The following WAPL variants were observed in gnomAD, a reference collection of about 807,000 sequenced individuals.
WAPL encodes WAPL cohesin release factor.
A neutral mutation model predicts 121.0 loss-of-function variants in WAPL; 5 were observed. The ratio of observed to expected loss-of-function variants is 0.04; its 90% CI spans 0.02 to 0.09. WAPL has a LOEUF of 0.09. Ranked by LOEUF, WAPL falls within the 10% of genes least tolerant of loss-of-function variation. The probability of loss-of-function intolerance (pLI) is 1.00; values close to 1 mark genes in which losing one functional copy is unlikely to be tolerated. For missense variants in WAPL, 999 were observed against 1,410.8 expected (o/e 0.71, Z 4.68); for synonymous variants, 480 against 481.5 (o/e 1.00, Z 0.04).
intron 17 of WAPL, 122 bp from the exon 18 acceptor site, chr10:86,438,137 GTTA>G (rs1389333959): frequency 6.5e-6 from 4 of 619,300 alleles, no homozygotes; most frequent in Non-Finnish European, 1.1e-5. Flanking sequence ...GGAACACGTG[GTTA>G]TTTATTCTCT....
intron 14 of WAPL, among the ~76,000 whole-genome samples, chr10:86,452,929 C>T (rs1336274059): frequency 1.4e-5 from 2 of 146,820 alleles, no homozygotes; most frequent in African/African-American, 2.5e-5. Context: ...AGTCCCAGCA[C>T]CTGGAAGGCT....
At chr10:86,449,886 G>A (rs1840935555) in intron 15 of WAPL, among the ~76,000 whole-genome samples, 3 of 152,198 alleles carry the variant, frequency 2.0e-5, no homozygotes, top group Admixed American at 2.0e-4. Flanking sequence ...CAGCAAAAGG[G>A]AATTCTTTTA....
intron 1 of WAPL, among the ~76,000 whole-genome samples, chr10:86,519,863 T>C (rs1370194806): frequency 6.6e-6 from 1 of 152,228 alleles, no homozygotes; most frequent in Non-Finnish European, 1.5e-5. Flanking sequence ...ACCAAAAATC[T>C]AGACTTGAGT....
intron 8 of WAPL, among the ~76,000 whole-genome samples, chr10:86,469,185 G>A (rs1841472830): frequency 1.0e-5 from 1 of 95,702 alleles, no homozygotes; most frequent in South Asian, 3.9e-4. Context: ...TACTTGGGAG[G>A]GTGAGTTGTG....
chr10:86,465,241 G>A (rs1181061264), intron 9 of WAPL, among the ~76,000 whole-genome samples: 1 of 152,118 alleles, frequency 6.6e-6, no homozygotes, highest in East Asian at 1.9e-4. Context: ...TGCCCAGGAT[G>A]GAGTGCAGTG....
intron 2 of WAPL, among the ~76,000 whole-genome samples, chr10:86,505,191 G>T (rs1589536197): frequency 6.7e-6 from 1 of 150,336 alleles, no homozygotes; most frequent in South Asian, 2.1e-4. Flanking sequence ...ATTTTTTTAT[G>T]TTTTTTTTAT....
At chr10:86,458,851 C>G in intron 12 of WAPL, 138 bp downstream of exon 12, 1 of 575,786 alleles carries the variant, frequency 1.7e-6, no homozygotes. Flanking sequence ...ACTTTTGTTA[C>G]ACAATGTGAA....
intron 8 of WAPL, among the ~76,000 whole-genome samples, chr10:86,470,249 A>AT (rs2132191250): frequency 6.6e-6 from 1 of 152,086 alleles, no homozygotes; most frequent in Admixed American, 6.6e-5. Context: ...GGCCAGGCTG[A>AT]TCTCAAACTC....
chr10:86,439,363 T>A (rs1044773837), intron 17 of WAPL, among the ~76,000 whole-genome samples: 2 of 152,206 alleles, frequency 1.3e-5, no homozygotes, highest in African/African-American at 4.8e-5. Context: ...AAATAGTGGC[T>A]AAGGTGTCTC....
At chr10:86,493,945 G>A (rs1842100425) in intron 4 of WAPL, among the ~76,000 whole-genome samples, 1 of 152,218 alleles carries the variant, frequency 6.6e-6, no homozygotes. Flanking sequence ...AGAGGCTCTA[G>A]TAAGCTGAGA....
intron 16 of WAPL, among the ~76,000 whole-genome samples, chr10:86,444,951 G>T (rs1185587752): frequency 3.7e-5 from 4 of 107,718 alleles, no homozygotes; most frequent in African/African-American, 1.0e-4. Context: ...AAAAGGAAAA[G>T]ACAAGTATTA....
rs1302874921 is a variant in WAPL at position 86,494,032 on chromosome 10, C to T, written c.1644+3169G>A. Reference sequence around the variant, plus strand: ...AATATTTTATAAAGATGTTAACTGGCTTTTTTAATGCATTGACATTTGTAT... The same window carrying T: ...AATATTTTATAAAGATGTTAACTGGTTTTTTTAATGCATTGACATTTGTAT... On this transcript the variant is annotated intron_variant, in intron 4 of 18. Coordinates refer to ENST00000298767, the MANE Select transcript of WAPL (RefSeq NM_015045.5). 3.9e-5 allele frequency among the ~76,000 whole-genome samples: 6 copies of T among 152,222 alleles called. No homozygotes were observed. The East Asian group carries it at 9.7e-4, about 24-fold the overall frequency.
At chr10:86,517,474 G>C (rs1174559576) in intron 2 of WAPL, 97 bp downstream of exon 2, 2 of 1,435,452 alleles carry the variant, frequency 1.4e-6, no homozygotes, top group African/African-American at 2.9e-5. Flanking sequence ...CATAAGTGCA[G>C]AAAGAAAACA....
intron 18 of WAPL, 86 bp from the exon 19 acceptor site, chr10:86,437,694 T>C: frequency 7.1e-7 from 1 of 1,404,932 alleles, no homozygotes; most frequent in Non-Finnish European, 9.8e-7. Flanking sequence ...CCTCTAGATT[T>C]ACTAAACTGA....
intron 2 of WAPL, among the ~76,000 whole-genome samples, chr10:86,502,373 G>A (rs1034739311): frequency 4.6e-5 from 7 of 152,106 alleles, no homozygotes; most frequent in African/African-American, 9.7e-5. Context: ...ATTTTATACT[G>A]CATGTAAGTT....
In WAPL at chr10:86,500,497, T is replaced by G; in HGVS notation, c.746A>C (p.Glu249Ala). Reference sequence around the variant, plus strand: ...ACTATCCAAACTTAAAATACAGTCTTCTGATCTGATATCTTCAAAATCATT... The same window carrying G: ...ACTATCCAAACTTAAAATACAGTCTGCTGATCTGATATCTTCAAAATCATT... ...WDNDFEDIRS[E>A]DCILSLDSDP... The change falls in exon 3 of 19, where the codon GAA becomes GCA. Residue 249 changes from glutamate to alanine, a missense_variant. Glu to Ala is a moderately radical substitution (Grantham distance 107). This residue lies in a region of WAPL where 531 missense variants were observed against 563.1 expected (regional missense o/e 0.94). Coordinates refer to ENST00000298767, the MANE Select transcript of WAPL (RefSeq NM_015045.5). The G allele has an allele frequency of 6.2e-7, 1 of 1,614,228 alleles. No individual in the cohort carries two copies. Among genetic ancestry groups the G allele is most frequent in the Non-Finnish European group, 8.5e-7 (1 of 1,180,046 alleles).
chr10:86,499,863 TTCACTGAGA>T lies in WAPL; in HGVS notation c.1371_1379del (p.Asp457_Ser459del). 1 of 1,614,050 alleles carries T rather than the reference TTCACTGAGA, an allele frequency of 6.2e-7. No homozygotes were observed. The highest frequency in any genetic ancestry group is 8.5e-7 in the Non-Finnish European group (1 of 1,179,998). ...AGTCATCATCTTCATCATCTTCGCTTTCACTGAGATCATCAAAGCCAAAATACTTAATTT... is the reference window on the plus strand; with the variant it reads ...AGTCATCATCTTCATCATCTTCGCTTTCATCAAAGCCAAAATACTTAATTT... On this transcript the variant is annotated inframe_deletion, in exon 3 of 19. Coordinates refer to ENST00000298767, the MANE Select transcript of WAPL (RefSeq NM_015045.5).
At chr10:86,443,418 C>A in intron 16 of WAPL, 55 bp from the exon 17 acceptor site, 1 of 1,469,510 alleles carries the variant, frequency 6.8e-7, no homozygotes, top group South Asian at 1.2e-5. Flanking sequence ...ACAAACCTCA[C>A]AAAACCAACC....
rs1841555520 is a variant in WAPL, at chr10:86,472,518, T to C, written c.1893+94A>G. On this transcript the variant is annotated intron_variant, in intron 6 of 18. Coordinates refer to ENST00000298767, the MANE Select transcript of WAPL (RefSeq NM_015045.5). This position sits in a 1 kb window ranked among gnomAD's most constrained non-coding sequence, Gnocchi z 4.2. ...GAAGTTTGTGGTTCAAAACTGAGTATCAGTATACTGATATTTGTTGAAGAT... is the reference window on the plus strand; with the variant it reads ...GAAGTTTGTGGTTCAAAACTGAGTACCAGTATACTGATATTTGTTGAAGAT... 6.5e-7 allele frequency: 1 copy of C among 1,544,960 alleles called. No individual in the cohort carries two copies. The highest frequency in any genetic ancestry group is 1.4e-5 in the African/African-American group (1 of 72,306).
Sources: allele counts gnomAD v4.1 joint callset (sites outside exome capture counted in the v4.1 genomes callset), GRCh38; gene constraint gnomAD v4.1.1; regional missense constraint gnomAD v4.1.1; non-coding constraint Gnocchi (gnomAD v3.1); transcripts MANE v1.5; gene names NCBI Gene and HGNC (gene_info 2026-07-23, HGNC 2026-07-21).